The following SHC4 variants were observed in gnomAD, a reference collection of about 807,000 sequenced individuals.
SHC4 encodes the protein SHC-transforming protein 4.
SHC4 carries 41 observed loss-of-function variants against 69.4 expected under a neutral mutation model. The observed-to-expected ratio is 0.59, with a 90% CI of 0.46 to 0.77. The LOEUF is 0.77. Among genes scored for constraint, SHC4 ranks in the 30% least tolerant of loss-of-function variants. The pLI, the probability that SHC4 is intolerant of heterozygous loss-of-function variation, is 0.00. For synonymous variants in SHC4, 318 were observed against 299.3 expected, an observed-to-expected ratio of 1.06 and a Z score of -0.64; for missense variants, 777 against 783.8, an observed-to-expected ratio of 0.99 and a Z score of 0.10.
intron 2 of SHC4, among the ~76,000 whole-genome samples, chr15:48,900,024 G>A (rs953702729): frequency 6.6e-6 from 1 of 152,190 alleles, no homozygotes; most frequent in African/African-American, 2.4e-5. Context: ...GGTTGTGTTA[G>A]TGCGTGTTAA....
chr15:48,904,300 T>C (rs1459188487), intron 2 of SHC4, among the ~76,000 whole-genome samples: 2 of 152,222 alleles, frequency 1.3e-5, no homozygotes, highest in African/African-American at 4.8e-5. Context: ...TAAGTCTCAA[T>C]ATTCTTATGG....
intron 1 of SHC4, among the ~76,000 whole-genome samples, chr15:48,956,136 A>G (rs1370084735): frequency 1.3e-5 from 2 of 152,246 alleles, no homozygotes; most frequent in African/African-American, 4.8e-5. Flanking sequence ...CCAAGAAAGA[A>G]ATAGGAAGGA....
intron 2 of SHC4, among the ~76,000 whole-genome samples, chr15:48,897,756 GACACACACAC>G (rs138796905): frequency 1.2e-4 from 17 of 138,980 alleles, no homozygotes; most frequent in Admixed American, 3.6e-4. Flanking sequence ...CCCACCTTCT[GACACACACAC>G]ACACACACAC....
intron 2 of SHC4, among the ~76,000 whole-genome samples, chr15:48,914,963 C>G (rs28564124): frequency 6.6e-6 from 1 of 152,172 alleles, no homozygotes; most frequent in African/African-American, 2.4e-5. Context: ...TTGGATTTGA[C>G]TACTGTAGGT....
At chr15:48,869,398 C>T (rs1157457208) in intron 5 of SHC4, among the ~76,000 whole-genome samples, 1 of 152,176 alleles carries the variant, frequency 6.6e-6, no homozygotes, top group Non-Finnish European at 1.5e-5. Context: ...ACCTCAGGGA[C>T]TTTTAAGTCA....
intron 1 of SHC4, among the ~76,000 whole-genome samples, chr15:48,960,316 A>T (rs1392555557): frequency 6.6e-6 from 1 of 152,192 alleles, no homozygotes; most frequent in Non-Finnish European, 1.5e-5. Context: ...AAGCTGAGGC[A>T]GAGGCTAGAG....
chr15:48,939,493 T>A (rs16961913), intron 1 of SHC4, among the ~76,000 whole-genome samples: 2,850 of 152,318 alleles, frequency 0.019, 82 homozygotes, highest in African/African-American at 0.066. Context: ...GGGCTACATT[T>A]CATTAATCAT....
At chr15:48,870,736 C>T (rs568719368) in intron 5 of SHC4, among the ~76,000 whole-genome samples, 2 of 151,570 alleles carry the variant, frequency 1.3e-5, no homozygotes, top group South Asian at 4.2e-4. Flanking sequence ...TCATTGGTAG[C>T]CAATGTGAAG....
intron 11 of SHC4, among the ~76,000 whole-genome samples, chr15:48,830,989 C>A (rs1034367338): frequency 2.6e-5 from 4 of 152,060 alleles, no homozygotes; most frequent in Admixed American, 1.3e-4. Flanking sequence ...CTGCCCCTGT[C>A]TAGTGCTAGC....
intron 1 of SHC4, among the ~76,000 whole-genome samples, chr15:48,951,268 C>G (rs1021084374): frequency 1.1e-4 from 16 of 152,018 alleles, no homozygotes; most frequent in African/African-American, 3.9e-4. Context: ...CACTTTCCTG[C>G]CTGTGACCCA....
At chr15:48,956,863 T>C (rs997808805) in intron 1 of SHC4, among the ~76,000 whole-genome samples, 8 of 152,086 alleles carry the variant, frequency 5.3e-5, no homozygotes, top group Admixed American at 6.5e-5. Context: ...ATCCTAATAA[T>C]AAGGGGTTTC....
At chr15:48,876,642 T>A (rs1455454246) in intron 4 of SHC4, 1 of 690,268 alleles carries the variant, frequency 1.4e-6, no homozygotes, top group Non-Finnish European at 2.6e-6. Flanking sequence ...AATCCAATGT[T>A]CGAGGGCAGG....
chr15:48,942,381 A>T lies in SHC4; in HGVS notation c.586-17432T>A, dbSNP rs10438313. On this transcript the variant is annotated intron_variant, in intron 1 of 11. Transcript: ENST00000332408. ...AAATCGAACATAGATTTTTGAATCA[A>T]ACTCAAATAACGCTGTTATAACTTA... 6.3e-3 allele frequency among the ~76,000 whole-genome samples: 955 copies of T among 152,320 alleles called. 7 individuals carry two copies. Among genetic ancestry groups the T allele is most frequent in the African/African-American group, 0.022 (929 of 41,572 alleles).
chr15:48,895,766 T>C lies in SHC4; in HGVS notation c.657-4955A>G, dbSNP rs372746878. 5.3e-5 allele frequency among the ~76,000 whole-genome samples: 8 copies of C among 152,322 alleles called. No individual in the cohort carries two copies. The East Asian group carries it at 7.7e-4, about 15-fold the overall frequency. Reference sequence around the variant, plus strand: ...GCTCAAAAGAAAAAAAGGGGAAAACTTGTGCTTATGAACTTGCTTTAAAAA... The same window carrying C: ...GCTCAAAAGAAAAAAAGGGGAAAACCTGTGCTTATGAACTTGCTTTAAAAA... On this transcript the variant is annotated intron_variant, in intron 2 of 11. Coordinates refer to ENST00000332408, the MANE Select transcript of SHC4 (RefSeq NM_203349.4).
Position 48,962,982 on chromosome 15 carries a change from G to A in SHC4, c.34C>T (p.Leu12Phe). The change falls in exon 1 of 12, where the codon CTC becomes TTC. Residue 12 changes from leucine to phenylalanine, a missense_variant. By Grantham distance (22) the Leu-to-Phe change is conservative (BLOSUM62 0). Coordinates refer to ENST00000332408, the MANE Select transcript of SHC4 (RefSeq NM_203349.4). ...RERGQDSLAG[L>F]VLYVGLFGHP... is the part of the protein sequence containing the mutation. ...CCGAAGAGTCCTACATACAGCACGA[G>A]TCCTGCCAGGCTGTCCTGGCCGCGT... is the stretch of plus-strand genomic sequence containing the variant. The A allele has an allele frequency of 6.2e-7, 1 of 1,611,848 alleles. No homozygotes were observed.
At chr15:48,943,161 T>C (rs575658024) in intron 1 of SHC4, among the ~76,000 whole-genome samples, 1 of 152,190 alleles carries the variant, frequency 6.6e-6, no homozygotes, top group Non-Finnish European at 1.5e-5. Flanking sequence ...CAATCCAATG[T>C]TACTAACAAT....
At chr15:48,848,174 C>T (rs187676287) in intron 9 of SHC4, among the ~76,000 whole-genome samples, 2 of 152,198 alleles carry the variant, frequency 1.3e-5, no homozygotes, top group African/African-American at 4.8e-5. Flanking sequence ...CTTGTCATGG[C>T]CACTGGGACA....
chr15:48,854,073 C>T (rs56287415), intron 8 of SHC4, among the ~76,000 whole-genome samples: 11 of 152,136 alleles, frequency 7.2e-5, no homozygotes, highest in African/African-American at 1.7e-4. Context: ...ACAATCACTA[C>T]GCATCCAAAA....
intron 2 of SHC4, among the ~76,000 whole-genome samples, chr15:48,914,945 T>C (rs1468690196): frequency 2.0e-5 from 3 of 152,172 alleles, no homozygotes; most frequent in Non-Finnish European, 4.4e-5. Context: ...CCATTCTACT[T>C]CCTGTCTTTG....
Sources: allele counts gnomAD v4.1 joint callset (sites outside exome capture counted in the v4.1 genomes callset), GRCh38; gene constraint gnomAD v4.1.1; transcripts MANE v1.5; gene names NCBI Gene and HGNC (gene_info 2026-07-23, HGNC 2026-07-21).